MAN2B2: variants seen among roughly 807,000 people sequenced by gnomAD.
MAN2B2 encodes the protein epididymis-specific alpha-mannosidase.
In MAN2B2, 106 loss-of-function variants were observed where a neutral mutation model predicts 117.1. That is an observed-to-expected ratio of 0.90 (90% CI 0.77 to 1.06). The LOEUF is 1.06. MAN2B2 is among the 50% of genes least tolerant of loss of function. The pLI, the probability that MAN2B2 is intolerant of heterozygous loss-of-function variation, is 0.00. For missense variants in MAN2B2, 1,326 were observed against 1,381.4 expected (o/e 0.96, Z 0.64); for synonymous variants, 544 against 595.1 (o/e 0.91, Z 1.25).
chr4:6,617,441 T>G lies in MAN2B2; in HGVS notation c.2763T>G (p.Tyr921Ter), dbSNP rs1245140108. The part of the protein sequence containing the change: ...RRVLLRLYHL[Y>*]EVGEDPVLSQ... Reference sequence around the variant, plus strand: ...TCCTGCTGCGGCTCTACCACCTATATGAAGTGGGCGAGGACCCAGTCCTGT... The same window carrying G: ...TCCTGCTGCGGCTCTACCACCTATAGGAAGTGGGCGAGGACCCAGTCCTGT... Residue 921 changes from tyrosine to a stop codon, truncating the protein, a stop_gained, in exon 17 of 19, where the codon TAT becomes TAG. Coordinates refer to ENST00000285599, the MANE Select transcript of MAN2B2 (RefSeq NM_015274.3). LOFTEE classifies it high-confidence loss of function. 1 of 1,614,128 alleles carries G rather than the reference T, an allele frequency of 6.2e-7. No individual in the cohort carries two copies.
chr4:6,579,700 A>G (rs902169553), intron 3 of MAN2B2, among the ~76,000 whole-genome samples: 4 of 151,946 alleles, frequency 2.6e-5, no homozygotes, highest in Admixed American at 6.5e-5. Context: ...CGCCACCACC[A>G]TCACCACATC....
intron 11 of MAN2B2, among the ~76,000 whole-genome samples, chr4:6,607,755 G>C (rs1200708117): frequency 2.0e-5 from 3 of 152,188 alleles, no homozygotes; most frequent in Admixed American, 6.5e-5. Flanking sequence ...GCTAGGAGTA[G>C]AATTACTCAG....
intron 7 of MAN2B2, 106 bp downstream of exon 7, chr4:6,594,838 G>T: frequency 8.2e-7 from 1 of 1,225,348 alleles, no homozygotes; most frequent in African/African-American, 1.5e-5. Context: ...TCCAAGCCCT[G>T]GAGGGGTTCC....
At chr4:6,585,486 C>T (rs1237584452) in intron 3 of MAN2B2, among the ~76,000 whole-genome samples, 1 of 152,196 alleles carries the variant, frequency 6.6e-6, no homozygotes, top group African/African-American at 2.4e-5. Context: ...TTCCCTGCAG[C>T]ACTGAACCCA....
chr4:6,597,397 C>A, intron 8 of MAN2B2, 94 bp downstream of exon 8: 1 of 1,296,942 alleles, frequency 7.7e-7, no homozygotes, highest in Non-Finnish European at 1.0e-6. Context: ...AGCCCTGGGG[C>A]ACTAGAGGCC....
rs1711740320 is a variant in MAN2B2, at chr4:6,614,231, G to C, written c.2577G>C (p.Lys859Asn). 3 of 1,614,092 alleles carry C rather than the reference G, an allele frequency of 1.9e-6. No homozygotes were observed. The highest frequency in any genetic ancestry group is 2.5e-6 in the Non-Finnish European group (3 of 1,179,972). The part of the protein sequence containing the change: ...LFGDLAGTAP[K>N]LPGPQQQEAV... ...TCTGCCTTGCAGGGACTGCGCCGAAGCTCCCAGGACCCCAGCAGCAAGAGG... is the reference window on the plus strand; with the variant it reads ...TCTGCCTTGCAGGGACTGCGCCGAACCTCCCAGGACCCCAGCAGCAAGAGG... Residue 859 changes from lysine to asparagine, a missense_variant, in exon 16 of 19, where the codon AAG (lysine) becomes AAC (asparagine). Lys to Asn is a moderately conservative substitution (Grantham distance 94). Transcript: ENST00000285599.
chr4:6,594,663 C>G lies in MAN2B2; in HGVS notation c.988C>G (p.Arg330Gly). The G allele has an allele frequency of 6.2e-7, 1 of 1,613,474 alleles. No homozygotes were observed. Among genetic ancestry groups the G allele is most frequent in the Non-Finnish European group, 8.5e-7 (1 of 1,180,014 alleles). ...GTATGCCACGCTGGGCGACTACTTC[C>G]GTGCCCTGCACGCTCTCAATGTCAC... ...VQYATLGDYF[R>G]ALHALNVTWR... The change falls in exon 7 of 19, where the codon CGT becomes GGT. Residue 330 changes from arginine (R) to glycine (G), a missense_variant. Physicochemically the swap from Arg to Gly is moderately radical, Grantham distance 125 (BLOSUM62 -2). Transcript: ENST00000285599.
In MAN2B2 at chr4:6,609,867, C is replaced by T. The variant is rs200160125; in HGVS notation, c.2076C>T (p.Asp692=). The change falls in exon 13 of 19, where the codon GAC becomes GAT. Residue 692 remains aspartate, a synonymous_variant. Coordinates refer to ENST00000285599, the MANE Select transcript of MAN2B2 (RefSeq NM_015274.3). The part of the protein sequence containing the change: ...SRLTHVPQGH[D]GELLCHRIEQ... ...TCACCCATGTGCCGCAGGGCCATGA[C>T]GGGGAGCTGCTCTGCCACCGGATAG... 42 of 1,614,098 alleles carry T rather than the reference C, an allele frequency of 2.6e-5. No individual in the cohort carries two copies. Among genetic ancestry groups the T allele is most frequent in the Non-Finnish European group, 3.0e-5 (35 of 1,180,032 alleles).
Position 6,597,134 on chromosome 4 carries a change from G to A in MAN2B2, c.1079G>A (p.Gly360Asp). 1 of 1,613,384 alleles carries A rather than the reference G, an allele frequency of 6.2e-7. No individual in the cohort carries two copies. Among genetic ancestry groups the A allele is most frequent in the Non-Finnish European group, 8.5e-7 (1 of 1,179,888 alleles). ...YSTEPFQAWT[G>D]FYTSRSSLKG... The stretch of plus-strand genomic sequence containing the variant: ...CCAGAACCATTCCAGGCCTGGACGG[G>A]CTTCTACACGTCCCGCAGCTCACTG... The change falls in exon 8 of 19, where the codon GGC becomes GAC. Residue 360 changes from glycine (G) to aspartate (D), a missense_variant. Physicochemically the swap from Gly to Asp is moderately conservative, Grantham distance 94. Coordinates refer to ENST00000285599, the MANE Select transcript of MAN2B2 (RefSeq NM_015274.3).
intron 15 of MAN2B2, among the ~76,000 whole-genome samples, chr4:6,613,234 A>T (rs960891618): frequency 6.6e-6 from 1 of 152,120 alleles, no homozygotes; most frequent in African/African-American, 2.4e-5. Context: ...GTGCCTTCTG[A>T]GCAGAGAGAC....
At chr4:6,579,308 C>A (rs1467500963) in intron 3 of MAN2B2, among the ~76,000 whole-genome samples, 1 of 120,066 alleles carries the variant, frequency 8.3e-6, no homozygotes, top group African/African-American at 2.9e-5. Context: ...CCATCACCAC[C>A]ACCACCACCA....
At chr4:6,578,355 C>T (rs752807318) in intron 2 of MAN2B2, 38 bp from the exon 3 acceptor site, 25 of 1,518,592 alleles carry the variant, frequency 1.6e-5, no homozygotes, top group East Asian at 7.0e-5. Flanking sequence ...GCTCAGGAGC[C>T]GTAACTGGCT....
At chr4:6,599,967 G>A (rs747541733) in intron 9 of MAN2B2, among the ~76,000 whole-genome samples, 1 of 152,146 alleles carries the variant, frequency 6.6e-6, no homozygotes, top group Non-Finnish European at 1.5e-5. Flanking sequence ...ACACAGGAGA[G>A]GCTTCCCCAA....
intron 17 of MAN2B2, chr4:6,619,335 C>G (rs141448174): frequency 1.3e-5 from 2 of 152,386 alleles, no homozygotes; most frequent in African/African-American, 4.8e-5. Context: ...CAAGATGGCA[C>G]AGGCCTCCCT....
At position 6,609,874 on chromosome 4, in the gene MAN2B2, C is replaced by G. The variant is rs1432746603; in HGVS notation, c.2083C>G (p.Leu695Val). ...THVPQGHDGELLCHRIEQEYQ... is the reference protein window; with the variant it reads ...THVPQGHDGEVLCHRIEQEYQ... The stretch of plus-strand genomic sequence containing the variant: ...TGTGCCGCAGGGCCATGACGGGGAG[C>G]TGCTCTGCCACCGGATAGAGCAGGA... The change falls in exon 13 of 19, where the codon CTG becomes GTG. Residue 695 changes from leucine (L) to valine (V), a missense_variant. By Grantham distance (32) the Leu-to-Val change is conservative. Coordinates refer to ENST00000285599, the MANE Select transcript of MAN2B2 (RefSeq NM_015274.3). 2 of 1,614,036 alleles carry G rather than the reference C, an allele frequency of 1.2e-6. No homozygotes were observed. The highest frequency in any genetic ancestry group is 1.7e-6 in the Non-Finnish European group (2 of 1,180,042).
intron 8 of MAN2B2, 86 bp from the exon 9 acceptor site, chr4:6,598,112 G>C: frequency 6.9e-7 from 1 of 1,458,624 alleles, no homozygotes; most frequent in Non-Finnish European, 9.4e-7. Context: ...GCCAGAATGA[G>C]AGCCAGCGCC....
chr4:6,592,146 G>A (rs1371932480), intron 5 of MAN2B2, among the ~76,000 whole-genome samples: 1 of 152,224 alleles, frequency 6.6e-6, no homozygotes, highest in African/African-American at 2.4e-5. Flanking sequence ...AGCCTCTCTT[G>A]GAAGAGGAAA....
In MAN2B2 at chr4:6,593,498, C is replaced by T. The variant is rs1332450552; in HGVS notation, c.858+148C>T. Reference sequence around the variant, plus strand: ...GCTCCATCCTCCTTCCCTGCAGACCCCTGGGCCTCTCCCACTCTACCAGCC... The same window carrying T: ...GCTCCATCCTCCTTCCCTGCAGACCTCTGGGCCTCTCCCACTCTACCAGCC... On this transcript the variant is annotated intron_variant, in intron 6 of 18. Transcript: ENST00000285599. The T allele has an allele frequency of 1.8e-5, 14 of 774,648 alleles. No individual in the cohort carries two copies. The East Asian group carries it at 4.2e-4, about 23-fold the overall frequency. The allele number at this position is 774,648 out of a possible 1,614,324, so 48.0% of individuals were successfully genotyped here. A position where few individuals can be genotyped will look rare whatever the true frequency, so the allele number is the denominator to read the frequency against.
At chr4:6,597,350 T>G in intron 8 of MAN2B2, 47 bp downstream of exon 8, 1 of 1,492,876 alleles carries the variant, frequency 6.7e-7, no homozygotes, top group Non-Finnish European at 8.9e-7. Context: ...CCTCCCATGC[T>G]GCGCACCTCC....
Sources: allele counts gnomAD v4.1 joint callset (sites outside exome capture counted in the v4.1 genomes callset), GRCh38; gene constraint gnomAD v4.1.1; transcripts MANE v1.5; gene names NCBI Gene and HGNC (gene_info 2026-07-23, HGNC 2026-07-21).